PRKCQ: variants seen among roughly 807,000 people sequenced by gnomAD.
The protein encoded by PRKCQ is protein kinase C theta type.
Under a neutral mutation model 91.2 loss-of-function variants are expected in PRKCQ, and 41 were observed. The observed-to-expected ratio is 0.45, with a 90% CI of 0.35 to 0.58. The LOEUF (loss-of-function observed/expected upper bound fraction) is 0.58, where lower values mean the gene tolerates loss of function less well. PRKCQ is among the 20% of genes least tolerant of loss of function. The pLI is 0.00. For missense variants in PRKCQ, 673 were observed against 896.5 expected, an observed-to-expected ratio of 0.75 and a Z score of 3.18; for synonymous variants, 307 against 316.9, an observed-to-expected ratio of 0.97 and a Z score of 0.33.
In PRKCQ at chr10:6,510,990, G is replaced by C; in HGVS notation, c.318+5C>G. ...CTTATGTGCATACACTTTATGCAACGTTACCCATATTTCTGTCTTCCCGTT... is the reference window on the plus strand; with the variant it reads ...CTTATGTGCATACACTTTATGCAACCTTACCCATATTTCTGTCTTCCCGTT... On this transcript the variant is annotated splice_donor_5th_base_variant and intron_variant, in intron 3 of 17. Coordinates refer to ENST00000263125, the MANE Select transcript of PRKCQ (RefSeq NM_006257.5). 6.2e-7 allele frequency: 1 copy of C among 1,614,028 alleles called. No individual in the cohort carries two copies. Among genetic ancestry groups the C allele is most frequent in the Non-Finnish European group, 8.5e-7 (1 of 1,179,956 alleles).
At chr10:6,420,605 G>T in the PRKCQ span, among the ~76,000 whole-genome samples, 1 of 152,222 alleles carries the variant, frequency 6.6e-6, no homozygotes, top group East Asian at 1.9e-4. Context: ...TGAGAAATTG[G>T]TTGTCTGAAA....
At chr10:6,466,263 G>A (rs1318641432) in intron 12 of PRKCQ, among the ~76,000 whole-genome samples, 1 of 152,182 alleles carries the variant, frequency 6.6e-6, no homozygotes, top group Non-Finnish European at 1.5e-5. Flanking sequence ...GAGGGGACTG[G>A]AGGCAACAGT....
chr10:6,515,130 C>T lies in PRKCQ; in HGVS notation c.6G>A (p.Ser2=), dbSNP rs201768145. The part of the protein sequence containing the change: M[S]PFLRIGLSNF... Reference sequence around the variant, plus strand: ...TGGACAAGCCAATCCGAAGAAATGGCGACATGGTTGCGCCCTGGAAAAAGA... The same window carrying T: ...TGGACAAGCCAATCCGAAGAAATGGTGACATGGTTGCGCCCTGGAAAAAGA... Residue 2 remains serine, a synonymous_variant, in exon 2 of 18, where the codon TCG becomes TCA. Coordinates refer to ENST00000263125, the MANE Select transcript of PRKCQ (RefSeq NM_006257.5). 32 of 1,613,448 alleles carry T rather than the reference C, an allele frequency of 2.0e-5. No individual in the cohort carries two copies. Among genetic ancestry groups the T allele is most frequent in the South Asian group, 1.1e-4 (10 of 90,928 alleles).
chr10:6,493,676 A>G (rs766554751), intron 7 of PRKCQ, among the ~76,000 whole-genome samples: 3 of 152,242 alleles, frequency 2.0e-5, no homozygotes, highest in Non-Finnish European at 4.4e-5. Flanking sequence ...AGCTGAAGGC[A>G]TCAAGTAAAG....
Position 6,465,010 on chromosome 10 carries a change from A to C in PRKCQ, c.1354-606T>G, listed in dbSNP as rs1044413647. On this transcript the variant is annotated intron_variant, in intron 12 of 17. Transcript: ENST00000263125. The surrounding 1 kb of genome is among the most constrained non-coding windows in gnomAD (Gnocchi z 4.4). ...GGAGAGTCCAGTTGACCTGCTGGCC[A>C]GACAATGGGATGGTGCCAGGCACTT... Among the ~76,000 whole-genome samples, 1 of 152,164 alleles carries C rather than the reference A, an allele frequency of 6.6e-6. No individual in the cohort carries two copies. Among genetic ancestry groups the C allele is most frequent in the East Asian group, 1.9e-4 (1 of 5,188 alleles).
At chr10:6,545,258 T>C (rs773391226) in intron 1 of PRKCQ, among the ~76,000 whole-genome samples, 1 of 152,250 alleles carries the variant, frequency 6.6e-6, no homozygotes, top group Admixed American at 6.5e-5. Flanking sequence ...ATTTTTATCA[T>C]GGCTCAAAGC....
the PRKCQ span, among the ~76,000 whole-genome samples, chr10:6,402,183 C>G: frequency 4.6e-5 from 7 of 151,994 alleles, no homozygotes; most frequent in Middle Eastern, 3.4e-3. Flanking sequence ...GAACATCACA[C>G]ACCGGGGCCT....
chr10:6,417,302 A>G, the PRKCQ span, among the ~76,000 whole-genome samples: 1 of 152,012 alleles, frequency 6.6e-6, no homozygotes, highest in African/African-American at 2.4e-5. Flanking sequence ...CTGGAGTTAG[A>G]TTTTCCACTT....
At chr10:6,533,346 C>T (rs1039869529) in intron 1 of PRKCQ, among the ~76,000 whole-genome samples, 55 of 152,264 alleles carry the variant, frequency 3.6e-4, no homozygotes, top group African/African-American at 1.2e-3. Context: ...TACAGGCACC[C>T]ACCATCATGC....
chr10:6,560,246 T>A (rs1840577574), intron 1 of PRKCQ, among the ~76,000 whole-genome samples: 1 of 152,184 alleles, frequency 6.6e-6, no homozygotes, highest in Admixed American at 6.5e-5. Flanking sequence ...TCCCCTAAGA[T>A]CCTAGCTGAC....
intron 12 of PRKCQ, among the ~76,000 whole-genome samples, chr10:6,474,372 T>C (rs1246656874): frequency 6.6e-6 from 1 of 152,170 alleles, no homozygotes. Context: ...AGGTGTGAAA[T>C]AGTAACACTA....
intron 1 of PRKCQ, among the ~76,000 whole-genome samples, chr10:6,545,895 C>T (rs867290693): frequency 5.3e-5 from 8 of 151,634 alleles, no homozygotes; most frequent in East Asian, 1.9e-4. Flanking sequence ...CCCAGCTATT[C>T]GGGAGGCTGA....
chr10:6,535,057 T>G (rs1012418962), intron 1 of PRKCQ, among the ~76,000 whole-genome samples: 2 of 152,184 alleles, frequency 1.3e-5, no homozygotes, highest in African/African-American at 2.4e-5. Context: ...AAAATGGATG[T>G]GTACAGAAAT....
At chr10:6,536,823 G>A (rs1216935418) in intron 1 of PRKCQ, among the ~76,000 whole-genome samples, 2 of 152,220 alleles carry the variant, frequency 1.3e-5, no homozygotes, top group Non-Finnish European at 2.9e-5. Context: ...GGGAGAGAAA[G>A]CAGAATTAAA....
chr10:6,540,403 C>T (rs1306238132), intron 1 of PRKCQ, among the ~76,000 whole-genome samples: 2 of 152,188 alleles, frequency 1.3e-5, no homozygotes, highest in Admixed American at 1.3e-4. Context: ...CTCCCACTCA[C>T]CAGCCCCTGA....
At chr10:6,503,110 G>A (rs574461429) in intron 4 of PRKCQ, among the ~76,000 whole-genome samples, 1 of 152,192 alleles carries the variant, frequency 6.6e-6, no homozygotes, top group African/African-American at 2.4e-5. Context: ...GAACTAATGA[G>A]AGCAGAGTGC....
chr10:6,507,413 C>T, intron 4 of PRKCQ, 23 bp downstream of exon 4: 3 of 1,606,514 alleles, frequency 1.9e-6, no homozygotes, highest in Non-Finnish European at 2.6e-6. Flanking sequence ...CACCCCCAAA[C>T]AGGAAGAAGA....
rs188518089 is a variant in PRKCQ at position 6,434,105 on chromosome 10, C to A, written c.1837-3167G>T. ...TATCCCTTCTCCTGAAACAATGATA[C>A]TAAATGATAAATGATTGGTCTCTGC... is the stretch of plus-strand genomic sequence containing the variant. On this transcript the variant is annotated intron_variant, in intron 16 of 17. Transcript: ENST00000263125. Among the ~76,000 whole-genome samples, 32 of 149,466 alleles carry A rather than the reference C, an allele frequency of 2.1e-4. No homozygotes were observed. In the East Asian group the frequency reaches 6.4e-3, roughly 30 times the overall value.
intron 1 of PRKCQ, among the ~76,000 whole-genome samples, chr10:6,556,925 C>A (rs561290479): frequency 5.3e-5 from 8 of 152,158 alleles, no homozygotes; most frequent in Non-Finnish European, 1.0e-4. Context: ...CAACTTCCTT[C>A]GCTCTGGTTC....
Sources: allele counts gnomAD v4.1 joint callset (sites outside exome capture counted in the v4.1 genomes callset), GRCh38; gene constraint gnomAD v4.1.1; non-coding constraint Gnocchi (gnomAD v3.1); transcripts MANE v1.5; gene names NCBI Gene and HGNC (gene_info 2026-07-23, HGNC 2026-07-21).